Variants in GNB5 observed in about 807,000 individuals in gnomAD.
GNB5 encodes the protein G protein subunit beta 5.
A neutral mutation model predicts 55.3 loss-of-function variants in GNB5; 37 were observed. The ratio of observed to expected loss-of-function variants is 0.67; its 90% CI spans 0.51 to 0.88. The LOEUF (loss-of-function observed/expected upper bound fraction) is 0.88. Ranked by LOEUF, GNB5 falls within the 40% of genes least tolerant of loss-of-function variation. The probability of loss-of-function intolerance (pLI) is 0.00; values close to 1 mark genes in which losing one functional copy is unlikely to be tolerated. For missense variants in GNB5, 476 were observed against 515.3 expected (o/e 0.92, Z 0.74); for synonymous variants, 219 against 198.5 (o/e 1.10, Z -0.87).
At chr15:52,137,828 C>A in intron 7 of GNB5, 1 of 1,280,828 alleles carries the variant, frequency 7.8e-7, no homozygotes, top group South Asian at 1.2e-5. Context: ...AAGGGAGAAG[C>A]TCTCCCTGCC....
chr15:52,160,610 A>C (rs1197321671), intron 3 of GNB5, among the ~76,000 whole-genome samples: 1 of 152,232 alleles, frequency 6.6e-6, no homozygotes, highest in Non-Finnish European at 1.5e-5. Flanking sequence ...TATTCATTAA[A>C]AATAATCATA....
In GNB5 at chr15:52,124,530, T is replaced by G; in HGVS notation, c.1119A>C (p.Leu373=). 3.1e-6 allele frequency: 5 copies of G among 1,613,876 alleles called. No homozygotes were observed. The highest frequency in any genetic ancestry group is 2.2e-5 in the South Asian group (2 of 91,082). ...LFGHENRVST[L]RVSPDGTAFC... ...AAGCAGTCCCATCGGGGGAAACTCGTAGAGTGCTAACGCGGTTTTCATGTC... is the reference window on the plus strand; with the variant it reads ...AAGCAGTCCCATCGGGGGAAACTCGGAGAGTGCTAACGCGGTTTTCATGTC... Residue 373 remains leucine, a synonymous_variant, in exon 12 of 13, where the codon CTA becomes CTC. Coordinates refer to ENST00000261837, the MANE Select transcript of GNB5 (RefSeq NM_016194.4).
chr15:52,129,912 G>T (rs534237485), intron 9 of GNB5, among the ~76,000 whole-genome samples: 1 of 152,114 alleles, frequency 6.6e-6, no homozygotes, highest in Non-Finnish European at 1.5e-5. Context: ...ACACTAGTTC[G>T]TTTTGTTTTG....
At chr15:52,162,557 A>G (rs1466615947) in intron 3 of GNB5, among the ~76,000 whole-genome samples, 1 of 152,246 alleles carries the variant, frequency 6.6e-6, no homozygotes, top group Admixed American at 6.5e-5. Flanking sequence ...TTAAATAGCA[A>G]AACAAAACTA....
intron 3 of GNB5, among the ~76,000 whole-genome samples, chr15:52,156,297 T>C (rs1266128870): frequency 1.3e-5 from 2 of 152,236 alleles, no homozygotes; most frequent in African/African-American, 2.4e-5. Context: ...GCTTCCGTTG[T>C]TCCTTCCCTG....
chr15:52,153,815 C>T (rs867283305), intron 4 of GNB5, 125 bp downstream of exon 4: 11 of 776,116 alleles, frequency 1.4e-5, no homozygotes, highest in Middle Eastern at 2.6e-4. Flanking sequence ...TGCTAAATCA[C>T]ATCCTTTGGA....
Position 52,116,300 on chromosome 15 carries a change from G to A in GNB5, c.*6457C>T, listed in dbSNP as rs773928775. 6.6e-6 allele frequency: 1 copy of A among 152,212 alleles called. No homozygotes were observed. Among genetic ancestry groups the A allele is most frequent in the Non-Finnish European group, 1.5e-5 (1 of 68,034 alleles). The allele number at this position is 152,212 out of a possible 1,614,324, so 9.4% of individuals were successfully genotyped here. Reference sequence around the variant, plus strand: ...TTAGATAACCTTGGGTTCAAAGACAGACATTTCCTGTTGTCACAGTCTTTA... The same window carrying A: ...TTAGATAACCTTGGGTTCAAAGACAAACATTTCCTGTTGTCACAGTCTTTA... On this transcript the variant is annotated 3_prime_UTR_variant, in exon 13 of 13. Transcript: ENST00000261837.
intron 4 of GNB5, among the ~76,000 whole-genome samples, chr15:52,151,665 C>T (rs2034099322): frequency 6.6e-6 from 1 of 152,226 alleles, no homozygotes; most frequent in African/African-American, 2.4e-5. Flanking sequence ...TCCCTCCCAA[C>T]AGCAGTATGT....
intron 1 of GNB5, among the ~76,000 whole-genome samples, chr15:52,188,951 A>C (rs1450874920): frequency 5.9e-5 from 9 of 152,230 alleles, no homozygotes; most frequent in Non-Finnish European, 8.8e-5. Flanking sequence ...AAATAGGGCT[A>C]CTTGCTTTCT....
intron 3 of GNB5, among the ~76,000 whole-genome samples, chr15:52,167,429 G>C (rs962601167): frequency 2.0e-5 from 3 of 152,146 alleles, no homozygotes; most frequent in Non-Finnish European, 2.9e-5. Context: ...CAGCACTTTG[G>C]GAGGCTGAGG....
intron 3 of GNB5, among the ~76,000 whole-genome samples, chr15:52,161,897 C>T (rs780683784): frequency 6.6e-6 from 1 of 152,196 alleles, no homozygotes; most frequent in Non-Finnish European, 1.5e-5. Flanking sequence ...GTAGAAGTCT[C>T]CCCCAACTGC....
intron 3 of GNB5, among the ~76,000 whole-genome samples, chr15:52,163,937 G>A (rs1240716308): frequency 6.6e-6 from 1 of 152,128 alleles, no homozygotes; most frequent in Admixed American, 6.5e-5. Context: ...GTGCAGGAGG[G>A]ACCCAGGCAA....
chr15:52,153,672 A>G (rs955902323), intron 4 of GNB5, among the ~76,000 whole-genome samples: 4 of 142,476 alleles, frequency 2.8e-5, no homozygotes, highest in Admixed American at 1.3e-4. Context: ...AACTGGTTTC[A>G]TTTACAAATA....
intron 3 of GNB5, among the ~76,000 whole-genome samples, chr15:52,175,998 G>C (rs2034642609): frequency 6.6e-6 from 1 of 152,090 alleles, no homozygotes; most frequent in Admixed American, 6.5e-5. Flanking sequence ...GTAGCGAGCT[G>C]AGATCATGCC....
chr15:52,132,778 C>T (rs1463471170), intron 9 of GNB5, among the ~76,000 whole-genome samples: 4 of 151,906 alleles, frequency 2.6e-5, no homozygotes, highest in Non-Finnish European at 5.9e-5. Context: ...GTTAGCCACC[C>T]CTACCCCTCC....
intron 1 of GNB5, among the ~76,000 whole-genome samples, chr15:52,189,523 T>C (rs905161648): frequency 2.0e-4 from 31 of 151,998 alleles, no homozygotes; most frequent in African/African-American, 7.3e-4. Context: ...GAGGTTGCAG[T>C]GAGCCAAGAT....
chr15:52,180,048 C>T, intron 2 of GNB5, 169 bp from the exon 3 acceptor site: 2 of 858,330 alleles, frequency 2.3e-6, no homozygotes, highest in Non-Finnish European at 3.0e-6. Flanking sequence ...GCCCCAAGAC[C>T]CCGCACCTGG....
At chr15:52,158,744 C>A (rs563925359) in intron 3 of GNB5, among the ~76,000 whole-genome samples, 2 of 152,174 alleles carry the variant, frequency 1.3e-5, no homozygotes, top group South Asian at 4.2e-4. Flanking sequence ...CACGCACAAA[C>A]CCTTACGCCA....
At chr15:52,158,336 G>A (rs1015403404) in intron 3 of GNB5, among the ~76,000 whole-genome samples, 3 of 152,166 alleles carry the variant, frequency 2.0e-5, no homozygotes, top group African/African-American at 7.2e-5. Flanking sequence ...CACTTCATAA[G>A]GGTTGGCTAT....
Sources: allele counts gnomAD v4.1 joint callset (sites outside exome capture counted in the v4.1 genomes callset), GRCh38; gene constraint gnomAD v4.1.1; transcripts MANE v1.5; gene names NCBI Gene and HGNC (gene_info 2026-07-23, HGNC 2026-07-21).